The following SUPT3H variants were observed in gnomAD, a reference collection of about 807,000 sequenced individuals.
SUPT3H encodes the protein SPT3 homolog, SAGA and STAGA complex component.
SUPT3H carries 44 observed loss-of-function variants against 44.3 expected under a neutral mutation model. The observed-to-expected ratio is 0.99, with a 90% CI of 0.78 to 1.28. The LOEUF (loss-of-function observed/expected upper bound fraction) is 1.28, where lower values mean the gene tolerates loss of function less well. Ranked by LOEUF, SUPT3H falls within the 50% of genes most tolerant of loss-of-function variation. SUPT3H has a pLI of 0.00. For synonymous variants in SUPT3H, 124 were observed against 125.6 expected (o/e 0.99, Z 0.09); for missense variants, 380 against 387.1 (o/e 0.98, Z 0.15).
At chr6:44,877,214 C>A (rs1051459373) in intron 10 of SUPT3H, among the ~76,000 whole-genome samples, 1 of 152,148 alleles carries the variant, frequency 6.6e-6, no homozygotes, top group Admixed American at 6.5e-5. Flanking sequence ...TGCCTGTAAT[C>A]CCAGCACTTT....
chr6:45,012,992 T>C, intron 5 of SUPT3H, among the ~76,000 whole-genome samples: 1 of 152,134 alleles, frequency 6.6e-6, no homozygotes, highest in East Asian at 1.9e-4. Context: ...TTACCTTCCC[T>C]GATCTCCCTA....
chr6:45,365,683 A>G (rs1396848716), intron 1 of SUPT3H, among the ~76,000 whole-genome samples: 2 of 148,696 alleles, frequency 1.3e-5, no homozygotes, highest in Non-Finnish European at 3.0e-5. Flanking sequence ...CCCAAGCACA[A>G]CACACTCCCA....
chr6:45,169,222 C>A (rs1286491746), intron 2 of SUPT3H, among the ~76,000 whole-genome samples: 6 of 152,182 alleles, frequency 3.9e-5, no homozygotes, highest in Admixed American at 2.0e-4. Flanking sequence ...TTTGGTCTCA[C>A]ATAAACTCCA....
At chr6:45,328,576 G>T in intron 2 of SUPT3H, 1 of 1,578,422 alleles carries the variant, frequency 6.3e-7, no homozygotes. Context: ...ATAATTTCTT[G>T]ACAGAAAAAA....
chr6:45,254,240 C>T (rs1046618773), intron 2 of SUPT3H, among the ~76,000 whole-genome samples: 2 of 151,978 alleles, frequency 1.3e-5, no homozygotes, highest in Non-Finnish European at 2.9e-5. Context: ...AGGGAGACTT[C>T]GACCATGAAA....
chr6:45,230,686 A>ATATATATATATATATATATATTTT (rs796866510), intron 2 of SUPT3H, among the ~76,000 whole-genome samples: 4 of 116,794 alleles, frequency 3.4e-5, no homozygotes, highest in African/African-American at 9.4e-5. Flanking sequence ...ATATATATAT[A>ATATATATATATATATATATATTTT]TTTTTGAGAT....
chr6:45,318,100 A>C (rs746658031), intron 2 of SUPT3H, among the ~76,000 whole-genome samples: 2 of 152,164 alleles, frequency 1.3e-5, no homozygotes, highest in Non-Finnish European at 2.9e-5. Context: ...AATTCCAACT[A>C]CATGACATAC....
rs754208599 is a variant in SUPT3H at position 45,348,512 on chromosome 6, C to CAAAAAAAAAAAAAAAA, written c.101+16688_101+16689insTTTTTTTTTTTTTTTT. 1.9e-3 allele frequency among the ~76,000 whole-genome samples: 208 copies of CAAAAAAAAAAAAAAAA among 110,304 alleles called. 7 individuals carry two copies. The highest frequency in any genetic ancestry group is 7.0e-3 in the African/African-American group (192 of 27,278). 72.4% of individuals were successfully genotyped at this position (110,304 alleles called of 152,430 possible). On this transcript the variant is annotated intron_variant, in intron 2 of 10. Coordinates refer to ENST00000371459, the MANE Select transcript of SUPT3H (RefSeq NM_003599.4). ...TGAAACCCCGTCTCTACTAAAAATA[C>CAAAAAAAAAAAAAAAA]AAAAAAAAAAAAGTTATCCAGGTAT...
intron 3 of SUPT3H, among the ~76,000 whole-genome samples, chr6:45,050,976 C>T (rs531371259): frequency 6.6e-6 from 1 of 151,318 alleles, no homozygotes; most frequent in South Asian, 2.1e-4. Context: ...GCTCCGCCTC[C>T]CAGGTTCATG....
At chr6:45,158,673 C>CA (rs1369720042) in intron 2 of SUPT3H, among the ~76,000 whole-genome samples, 2 of 152,038 alleles carry the variant, frequency 1.3e-5, no homozygotes, top group East Asian at 1.9e-4. Flanking sequence ...CGCTAGCTGT[C>CA]AGAGTATAGG....
intron 2 of SUPT3H, among the ~76,000 whole-genome samples, chr6:45,212,837 T>C (rs1764360382): frequency 6.6e-6 from 1 of 152,162 alleles, no homozygotes; most frequent in Non-Finnish European, 1.5e-5. Flanking sequence ...TTAAATATCC[T>C]TCTGTTTACA....
chr6:45,109,828 T>C (rs944373694), intron 2 of SUPT3H, among the ~76,000 whole-genome samples: 2 of 152,184 alleles, frequency 1.3e-5, no homozygotes, highest in Non-Finnish European at 2.9e-5. Flanking sequence ...CTTATACAAC[T>C]ATTTTGATTT....
At chr6:45,210,424 CATATAA>C (rs1763906190) in intron 2 of SUPT3H, among the ~76,000 whole-genome samples, 1 of 152,164 alleles carries the variant, frequency 6.6e-6, no homozygotes. Flanking sequence ...CCTCCTCTCA[CATATAA>C]ATTGTGTCTT....
intron 2 of SUPT3H, among the ~76,000 whole-genome samples, chr6:45,222,658 C>CAA (rs1222805376): frequency 1.3e-5 from 2 of 152,094 alleles, no homozygotes; most frequent in African/African-American, 4.8e-5. Context: ...ATTAAACACA[C>CAA]AATTACCATA....
chr6:45,125,301 A>T (rs1043544521), intron 2 of SUPT3H, among the ~76,000 whole-genome samples: 3 of 152,358 alleles, frequency 2.0e-5, no homozygotes, highest in South Asian at 4.1e-4. Context: ...AGTCCAAAAT[A>T]AACCATGAAT....
chr6:45,002,007 ACT>A (rs1782071148), intron 6 of SUPT3H, among the ~76,000 whole-genome samples: 1 of 152,014 alleles, frequency 6.6e-6, no homozygotes, highest in South Asian at 2.1e-4. Flanking sequence ...TATAAAAGCT[ACT>A]CTGTTATGTT....
chr6:45,350,673 A>G (rs527476341), intron 2 of SUPT3H, among the ~76,000 whole-genome samples: 39 of 152,322 alleles, frequency 2.6e-4, no homozygotes, highest in African/African-American at 8.7e-4. Context: ...ATGTGGTCAT[A>G]ATCATATTAC....
intron 3 of SUPT3H, among the ~76,000 whole-genome samples, chr6:45,071,351 A>C (rs1794350910): frequency 6.6e-6 from 1 of 151,300 alleles, no homozygotes. Flanking sequence ...ACACATGAGG[A>C]AACTACCTAA....
chr6:45,313,669 A>AAC (rs958431449), intron 2 of SUPT3H, among the ~76,000 whole-genome samples: 2 of 151,258 alleles, frequency 1.3e-5, no homozygotes, highest in Non-Finnish European at 2.9e-5. Flanking sequence ...AAAAAAAAAA[A>AAC]AGTCCACGAC....
Sources: gnomAD v4.1 joint callset for allele counts (sites outside exome capture counted in the v4.1 genomes callset) on GRCh38, gnomAD v4.1.1 for gene constraint, MANE v1.5 for transcripts, NCBI Gene and HGNC (gene_info 2026-07-23, HGNC 2026-07-21) for gene names.